The following PDS5A variants were observed in gnomAD, a reference collection of about 807,000 sequenced individuals.
PDS5A encodes PDS5 cohesin associated factor A, also known as sister chromatid cohesion protein PDS5 homolog A.
In PDS5A, 42 loss-of-function variants were observed where a neutral mutation model predicts 167.1. That is an observed-to-expected ratio of 0.25 (90% CI 0.20 to 0.33). PDS5A has a LOEUF of 0.33. PDS5A is among the 10% of genes least tolerant of loss of function. PDS5A has a pLI of 1.00. For synonymous variants in PDS5A, 553 were observed against 554.6 expected, an observed-to-expected ratio of 1.00 and a Z score of 0.04; for missense variants, 1,033 against 1,605.9, an observed-to-expected ratio of 0.64 and a Z score of 6.10.
intron 2 of PDS5A, chr4:39,973,983 G>A (rs889373803): frequency 3.8e-4 from 185 of 487,718 alleles, no homozygotes; most frequent in African/African-American, 2.8e-3. Context: ...AAAATTAGCC[G>A]GGCATGATGG....
intron 8 of PDS5A, among the ~76,000 whole-genome samples, chr4:39,916,448 A>C (rs958244566): frequency 6.6e-5 from 10 of 152,222 alleles, no homozygotes; most frequent in Non-Finnish European, 2.9e-5. Context: ...GTTCTAAAAC[A>C]TATCTATCTA....
intron 6 of PDS5A, among the ~76,000 whole-genome samples, 173 bp downstream of exon 6, chr4:39,922,449 T>C (rs1472992552): frequency 6.6e-6 from 1 of 152,206 alleles, no homozygotes; most frequent in Non-Finnish European, 1.5e-5. Flanking sequence ...TGTTAATCAA[T>C]ATATTTTGTA....
In PDS5A at chr4:39,910,236, T is replaced by A; in HGVS notation, c.1087+8A>T. 2.8e-6 allele frequency: 4 copies of A among 1,453,818 alleles called. No homozygotes were observed. The highest frequency in any genetic ancestry group is 3.8e-6 in the Non-Finnish European group (4 of 1,042,978). The allele number at this position is 1,453,818 out of a possible 1,614,324, so 90.1% of individuals were successfully genotyped here. ...ATGCTAATATGTGTAATAAACCAGCTAGCTTACCTGTGAGATCCTTCGCTA... is the reference window on the plus strand; with the variant it reads ...ATGCTAATATGTGTAATAAACCAGCAAGCTTACCTGTGAGATCCTTCGCTA... On this transcript the variant is annotated splice_region_variant and intron_variant, in intron 10 of 32. Coordinates refer to ENST00000303538, the MANE Select transcript of PDS5A (RefSeq NM_001100399.2).
In PDS5A at chr4:39,863,085, C is replaced by T. The variant is rs555078132; in HGVS notation, c.2767-12G>A. ...TGGTAACACTCATCCTACAGCAGCA[C>T]AGAAAAACTTAAATTGGCAACCATT... On this transcript the variant is annotated splice_polypyrimidine_tract_variant and intron_variant, in intron 24 of 32. Transcript: ENST00000303538. 6.3e-7 allele frequency: 1 copy of T among 1,598,562 alleles called. No homozygotes were observed. The highest frequency in any genetic ancestry group is 1.3e-5 in the African/African-American group (1 of 74,610).
At chr4:39,872,447 C>T (rs1024267345) in intron 21 of PDS5A, among the ~76,000 whole-genome samples, 5 of 152,056 alleles carry the variant, frequency 3.3e-5, no homozygotes, top group Non-Finnish European at 7.4e-5. Context: ...GACGGATCAC[C>T]TGAGGTCAGG....
chr4:39,919,408 G>A (rs1724706460), intron 7 of PDS5A, among the ~76,000 whole-genome samples: 5 of 152,196 alleles, frequency 3.3e-5, no homozygotes, highest in Admixed American at 3.3e-4. Flanking sequence ...CACTTTGGGA[G>A]GCTGAGGCAG....
intron 17 of PDS5A, among the ~76,000 whole-genome samples, chr4:39,887,126 C>G (rs1425224149): frequency 1.3e-5 from 2 of 152,120 alleles, no homozygotes; most frequent in African/African-American, 4.8e-5. Context: ...ACTAATTGCT[C>G]TAGCCAGGAC....
At chr4:39,961,367 C>G (rs183134980) in intron 2 of PDS5A, among the ~76,000 whole-genome samples, 2 of 151,952 alleles carry the variant, frequency 1.3e-5, no homozygotes, top group Non-Finnish European at 2.9e-5. Flanking sequence ...GGCGCCATCT[C>G]GGCTCACTGT....
intron 31 of PDS5A, among the ~76,000 whole-genome samples, chr4:39,841,092 A>T (rs1468339628): frequency 6.6e-6 from 1 of 152,116 alleles, no homozygotes; most frequent in African/African-American, 2.4e-5. Context: ...AACAAAGCAA[A>T]GGGCTGATCT....
intron 28 of PDS5A, 73 bp downstream of exon 28, chr4:39,848,778 G>A (rs774652107): frequency 1.4e-4 from 180 of 1,316,298 alleles, no homozygotes; most frequent in African/African-American, 2.9e-5. Context: ...TTCAATATTT[G>A]CCACAATGGT....
At chr4:39,930,215 C>CAAAAAAAA (rs764983592) in intron 2 of PDS5A, among the ~76,000 whole-genome samples, 14 of 35,090 alleles carry the variant, frequency 4.0e-4, no homozygotes, top group African/African-American at 7.0e-4. Context: ...GACTCCATCT[C>CAAAAAAAA]AAAAAAAAAA....
rs555092581 is a variant in PDS5A at position 39,888,153 on chromosome 4, G to A, written c.1886+2096C>T. On this transcript the variant is annotated intron_variant, in intron 17 of 32. Transcript: ENST00000303538. ...AGTCCTAGCTACTCGGGAGGCTGACGCAGAACTGCGTGAACCTGGGAGGTG... is the reference window on the plus strand; with the variant it reads ...AGTCCTAGCTACTCGGGAGGCTGACACAGAACTGCGTGAACCTGGGAGGTG... 2.8e-4 allele frequency among the ~76,000 whole-genome samples: 41 copies of A among 148,302 alleles called. No individual in the cohort carries two copies. In the South Asian group the frequency reaches 8.5e-3, roughly 31 times the overall value.
At chr4:39,954,682 A>T (rs1445162272) in intron 2 of PDS5A, among the ~76,000 whole-genome samples, 26 of 151,208 alleles carry the variant, frequency 1.7e-4, no homozygotes, top group East Asian at 1.6e-3. Flanking sequence ...AAAAAAAAAA[A>T]AAAAAAAAAA....
At position 39,873,977 on chromosome 4, in the gene PDS5A, G is replaced by A. The variant is rs1056605558; in HGVS notation, c.2277+312C>T. Among the ~76,000 whole-genome samples the A allele has an allele frequency of 3.9e-5, 6 of 152,266 alleles. No individual in the cohort carries two copies. In the East Asian group the frequency reaches 1.2e-3, roughly 29 times the overall value. ...AAGGACTGCTTGAACCTAGGAATTCGGGGCTGCAGTGAGCAGAGATTGCAT... is the reference window on the plus strand; with the variant it reads ...AAGGACTGCTTGAACCTAGGAATTCAGGGCTGCAGTGAGCAGAGATTGCAT... On this transcript the variant is annotated intron_variant, in intron 20 of 32. Transcript: ENST00000303538.
In PDS5A at chr4:39,841,034, T is replaced by C. The variant is rs551689360; in HGVS notation, c.3657+914A>G. ...GCCTCCCAAAGTGCACGATTACAGG[T>C]GTAAGTTACTGCACCCAGCCAAGAT... is the stretch of plus-strand genomic sequence containing the variant. On this transcript the variant is annotated intron_variant, in intron 31 of 32. Coordinates refer to ENST00000303538, the MANE Select transcript of PDS5A (RefSeq NM_001100399.2). 5.6e-4 allele frequency among the ~76,000 whole-genome samples: 74 copies of C among 132,322 alleles called. No homozygotes were observed. In the South Asian group the frequency reaches 0.018, roughly 33 times the overall value. 86.8% of individuals were successfully genotyped at this position (132,322 alleles called of 152,430 possible). A position where few individuals can be genotyped will look rare whatever the true frequency, so the allele number is the denominator to read the frequency against.
chr4:39,889,580 G>A (rs1721793563), intron 17 of PDS5A, among the ~76,000 whole-genome samples: 1 of 152,130 alleles, frequency 6.6e-6, no homozygotes, highest in African/African-American at 2.4e-5. Context: ...AAAAATGATT[G>A]GTGCAAGAGA....
chr4:39,971,609 G>A (rs1347704595), intron 2 of PDS5A, among the ~76,000 whole-genome samples: 1 of 151,930 alleles, frequency 6.6e-6, no homozygotes, highest in Non-Finnish European at 1.5e-5. Flanking sequence ...ACAGAGGTGT[G>A]CCACCACACC....
intron 12 of PDS5A, among the ~76,000 whole-genome samples, chr4:39,903,564 T>C (rs1030326129): frequency 3.3e-5 from 5 of 152,240 alleles, no homozygotes; most frequent in African/African-American, 1.2e-4. Context: ...TTGGTAGTGG[T>C]GTAAAAAGGA....
intron 19 of PDS5A, among the ~76,000 whole-genome samples, chr4:39,875,176 C>G (rs539081880): frequency 9.2e-5 from 14 of 151,942 alleles, no homozygotes; most frequent in South Asian, 2.1e-4. Flanking sequence ...TTTAGGATGA[C>G]AGAAAAACAT....
Sources: gnomAD v4.1 joint callset for allele counts (sites outside exome capture counted in the v4.1 genomes callset) on GRCh38, gnomAD v4.1.1 for gene constraint, MANE v1.5 for transcripts, NCBI Gene and HGNC (gene_info 2026-07-23, HGNC 2026-07-21) for gene names.